The following WDR70 variants were observed in gnomAD, a reference collection of about 807,000 sequenced individuals.
The protein encoded by WDR70 is WD repeat-containing protein 70.
In WDR70, 53 loss-of-function variants were observed where a neutral mutation model predicts 88.6. The ratio of observed to expected loss-of-function variants is 0.60; its 90% CI spans 0.48 to 0.75. WDR70 has a LOEUF of 0.75. Ranked by LOEUF, WDR70 falls within the 30% of genes least tolerant of loss-of-function variation. The probability of loss-of-function intolerance (pLI) is 0.00; values close to 1 mark genes in which losing one functional copy is unlikely to be tolerated. For missense variants in WDR70, 610 were observed against 823.2 expected (o/e 0.74, Z 3.17); for synonymous variants, 280 against 270.0 (o/e 1.04, Z -0.36).
intron 10 of WDR70, among the ~76,000 whole-genome samples, chr5:37,608,116 A>G (rs1238829702): frequency 7.1e-6 from 1 of 141,724 alleles, no homozygotes; most frequent in African/African-American, 2.7e-5. Flanking sequence ...ATCTTGGCTC[A>G]CTGCTACCTC....
chr5:37,647,170 G>GC (rs1745264037), intron 10 of WDR70, among the ~76,000 whole-genome samples: 1 of 152,002 alleles, frequency 6.6e-6, no homozygotes, highest in Non-Finnish European at 1.5e-5. Context: ...GCATTCTTTA[G>GC]CATGTCAGTT....
chr5:37,510,936 C>A (rs1024186564), intron 8 of WDR70, among the ~76,000 whole-genome samples: 5 of 152,298 alleles, frequency 3.3e-5, no homozygotes, highest in Admixed American at 6.5e-5. Context: ...CTCCTTTCTT[C>A]ATCATACCAG....
At chr5:37,380,588 C>T (rs1288615529) in intron 2 of WDR70, among the ~76,000 whole-genome samples, 1 of 151,990 alleles carries the variant, frequency 6.6e-6, no homozygotes, top group Admixed American at 6.6e-5. Context: ...GTGATCCGCC[C>T]GTCTCGGCCT....
At chr5:37,421,395 C>T (rs1319643323) in intron 5 of WDR70, among the ~76,000 whole-genome samples, 1 of 152,240 alleles carries the variant, frequency 6.6e-6, no homozygotes, top group East Asian at 1.9e-4. Flanking sequence ...CACCTCTATT[C>T]AGTGGCATTC....
intron 10 of WDR70, among the ~76,000 whole-genome samples, chr5:37,609,548 T>C (rs372413608): frequency 1.3e-4 from 20 of 152,354 alleles, no homozygotes; most frequent in African/African-American, 4.8e-4. Context: ...TGGAGTTTTG[T>C]TCTCCCTAGA....
At chr5:37,383,269 G>C (rs1581238130) in intron 3 of WDR70, among the ~76,000 whole-genome samples, 2 of 152,082 alleles carry the variant, frequency 1.3e-5, no homozygotes, top group East Asian at 3.9e-4. Context: ...TTCATTATTT[G>C]TTTTATTTGA....
rs1353652742 is a variant in WDR70, at chr5:37,697,726, T to C, written c.1164T>C (p.Tyr388=). 8 of 1,613,652 alleles carry C rather than the reference T, an allele frequency of 5.0e-6. No individual in the cohort carries two copies. ...ACACTTCTTGCGTGACTTTTTCCTA[T>C]GATGGTAATGTCCTTGCCTCTCGTG... ...GTDTSCVTFS[Y]DGNVLASRGG... The change falls in exon 11 of 18, where the codon TAT becomes TAC. Residue 388 remains tyrosine, a synonymous_variant. Coordinates refer to ENST00000265107, the MANE Select transcript of WDR70 (RefSeq NM_018034.4).
chr5:37,736,603 GGT>G (rs1748310166), intron 17 of WDR70, among the ~76,000 whole-genome samples: 1 of 147,606 alleles, frequency 6.8e-6, no homozygotes, highest in African/African-American at 2.5e-5. Flanking sequence ...GCATCAGAGC[GGT>G]GTATGTAGTT....
intron 8 of WDR70, among the ~76,000 whole-genome samples, chr5:37,509,058 C>T (rs1294229230): frequency 1.3e-5 from 2 of 152,074 alleles, no homozygotes; most frequent in African/African-American, 4.8e-5. Context: ...GGGATCAGTA[C>T]TGATATATCT....
chr5:37,751,794 T>G (rs535669221), intron 17 of WDR70, among the ~76,000 whole-genome samples: 1 of 152,098 alleles, frequency 6.6e-6, no homozygotes, highest in Non-Finnish European at 1.5e-5. Flanking sequence ...ATGTGAGTAG[T>G]GTGAAAAGGG....
intron 10 of WDR70, among the ~76,000 whole-genome samples, chr5:37,611,148 T>A (rs867871482): frequency 3.7e-4 from 57 of 152,324 alleles, no homozygotes; most frequent in African/African-American, 1.3e-3. Context: ...TTTCACAATT[T>A]AAAAATTTGC....
At chr5:37,718,100 C>T (rs1305320106) in intron 13 of WDR70, among the ~76,000 whole-genome samples, 11 of 152,050 alleles carry the variant, frequency 7.2e-5, no homozygotes, top group Admixed American at 5.9e-4. Context: ...CTCCCTGTTT[C>T]GGCATGAAAG....
chr5:37,682,692 C>A (rs879568244), intron 10 of WDR70, among the ~76,000 whole-genome samples: 3 of 152,130 alleles, frequency 2.0e-5, no homozygotes, highest in Non-Finnish European at 2.9e-5. Context: ...AAAAGTCATT[C>A]ATGAACAGAT....
chr5:37,505,294 G>A (rs1488281697), intron 8 of WDR70, among the ~76,000 whole-genome samples: 1 of 152,140 alleles, frequency 6.6e-6, no homozygotes, highest in Non-Finnish European at 1.5e-5. Context: ...TATTAATGAT[G>A]TACCTTGGTT....
intron 9 of WDR70, among the ~76,000 whole-genome samples, chr5:37,578,187 T>C (rs1056447705): frequency 1.3e-5 from 2 of 152,116 alleles, no homozygotes; most frequent in African/African-American, 4.8e-5. Context: ...GAAGTTTTGG[T>C]AGAGAAGGGA....
intron 10 of WDR70, among the ~76,000 whole-genome samples, chr5:37,693,224 TAGA>T (rs1057197569): frequency 7.2e-5 from 11 of 152,034 alleles, no homozygotes; most frequent in Admixed American, 7.2e-4. Context: ...CACAAACAAA[TAGA>T]AGAACATTCC....
rs1747971802 is a variant in WDR70, at chr5:37,726,449, T to A, written c.1715-434T>A. 2.0e-5 allele frequency among the ~76,000 whole-genome samples: 3 copies of A among 152,162 alleles called. No homozygotes were observed. In the South Asian group the frequency reaches 6.2e-4, roughly 32 times the overall value. On this transcript the variant is annotated intron_variant, in intron 16 of 17. Transcript: ENST00000265107. ...GCAACATGAATCAGTATGTTTAGCTTATTTGTTTTCTCTTATAATACTCAG... is the reference window on the plus strand; with the variant it reads ...GCAACATGAATCAGTATGTTTAGCTAATTTGTTTTCTCTTATAATACTCAG...
chr5:37,381,367 T>C (rs553459095), intron 2 of WDR70, among the ~76,000 whole-genome samples: 8 of 152,328 alleles, frequency 5.3e-5, no homozygotes, highest in African/African-American at 1.9e-4. Flanking sequence ...TGTTGTTTCA[T>C]AGGGTAGGGA....
chr5:37,578,242 G>A (rs1268556327), intron 9 of WDR70, among the ~76,000 whole-genome samples: 1 of 152,152 alleles, frequency 6.6e-6, no homozygotes, highest in Admixed American at 6.5e-5. Context: ...ATTAAGGATG[G>A]TGCATGAATA....
Sources: gnomAD v4.1 joint callset for allele counts (sites outside exome capture counted in the v4.1 genomes callset) on GRCh38, gnomAD v4.1.1 for gene constraint, MANE v1.5 for transcripts, NCBI Gene and HGNC (gene_info 2026-07-23, HGNC 2026-07-21) for gene names.